Variants in PBX1 observed in about 807,000 individuals in gnomAD.
The protein encoded by PBX1 is PBX homeobox 1, also known as pre-B-cell leukemia transcription factor 1.
Under a neutral mutation model 53.4 loss-of-function variants are expected in PBX1, and 6 were observed. That is an observed-to-expected ratio of 0.11 (90% CI 0.06 to 0.22). The LOEUF is 0.22. Ranked by LOEUF, PBX1 falls within the 10% of genes least tolerant of loss-of-function variation. The pLI is 1.00. For missense variants in PBX1, 251 were observed against 551.4 expected, an observed-to-expected ratio of 0.46 and a Z score of 5.46; for synonymous variants, 204 against 212.3, an observed-to-expected ratio of 0.96 and a Z score of 0.34.
intron 3 of PBX1, among the ~76,000 whole-genome samples, chr1:164,799,304 C>A (rs1668941966): frequency 6.6e-6 from 1 of 152,094 alleles, no homozygotes; most frequent in African/African-American, 2.4e-5. Context: ...TCCTGGCTAA[C>A]ACAGTGAAAC....
At chr1:164,811,897 C>A (rs1669631129) in intron 5 of PBX1, 93 bp from the exon 6 acceptor site, 10 of 994,280 alleles carry the variant, frequency 1.0e-5, no homozygotes, top group Admixed American at 2.6e-5. Flanking sequence ...ATTAGCTTAC[C>A]TCTTCACCTC....
chr1:164,664,900 A>G (rs892037951), intron 2 of PBX1, among the ~76,000 whole-genome samples: 11 of 49,012 alleles, frequency 2.2e-4, no homozygotes, highest in South Asian at 1.2e-3. Context: ...CCTCCCACTG[A>G]GTCCCTCCCA....
At chr1:164,580,836 C>T (rs1654566403) in intron 2 of PBX1, among the ~76,000 whole-genome samples, 1 of 152,238 alleles carries the variant, frequency 6.6e-6, no homozygotes, top group African/African-American at 2.4e-5. Flanking sequence ...TCCTCGACCT[C>T]CCAGAGTGCT....
chr1:164,760,126 T>C (rs1364841127), intron 2 of PBX1, among the ~76,000 whole-genome samples: 3 of 152,200 alleles, frequency 2.0e-5, no homozygotes, highest in Non-Finnish European at 4.4e-5. Flanking sequence ...CACTTTATTA[T>C]GTGCAATGAC....
intron 2 of PBX1, among the ~76,000 whole-genome samples, chr1:164,690,437 T>C (rs1024548108): frequency 3.3e-5 from 5 of 152,222 alleles, no homozygotes; most frequent in African/African-American, 1.2e-4. Flanking sequence ...AACGGCTGCA[T>C]GTGATTAGTC....
chr1:164,840,355 A>AT (rs35848860), intron 8 of PBX1, among the ~76,000 whole-genome samples: 1 of 151,992 alleles, frequency 6.6e-6, no homozygotes, highest in Non-Finnish European at 1.5e-5. Flanking sequence ...ATAAAATTAC[A>AT]GTGTAACAGG....
intron 8 of PBX1, among the ~76,000 whole-genome samples, chr1:164,839,976 A>C (rs1232053410): frequency 2.0e-5 from 3 of 151,964 alleles, no homozygotes; most frequent in Admixed American, 2.0e-4. Context: ...AGCATGAGTT[A>C]ATCCAAGCAG....
chr1:164,641,541 C>T lies in PBX1; in HGVS notation c.265+78230C>T, dbSNP rs1557910079. On this transcript the variant is annotated intron_variant, in intron 2 of 8. Coordinates refer to ENST00000420696, the MANE Select transcript of PBX1 (RefSeq NM_002585.4). ...TCGGGACAGAGGCCTTGGTTGCCAC[C>T]AAAGGCAGCTTATGGTGTAGCTTCA... 3 of 152,338 alleles carry T rather than the reference C, an allele frequency of 2.0e-5. No homozygotes were observed. The East Asian group carries it at 5.8e-4, about 29-fold the overall frequency. 9.4% of individuals were successfully genotyped at this position (152,338 alleles called of 1,614,324 possible). A position where few individuals can be genotyped will look rare whatever the true frequency, so the allele number is the denominator to read the frequency against.
chr1:164,790,692 G>A (rs1668456680), intron 2 of PBX1, among the ~76,000 whole-genome samples: 1 of 152,206 alleles, frequency 6.6e-6, no homozygotes, highest in Non-Finnish European at 1.5e-5. Flanking sequence ...GAGCCATACT[G>A]TAGTTTTCCT....
At chr1:164,799,216 C>T (rs1013689192) in intron 3 of PBX1, among the ~76,000 whole-genome samples, 2 of 152,116 alleles carry the variant, frequency 1.3e-5, no homozygotes, top group African/African-American at 4.8e-5. Context: ...ATCAGCCAGG[C>T]GCAGTGGCTC....
chr1:164,733,582 A>G (rs1361429421), intron 2 of PBX1, among the ~76,000 whole-genome samples: 1 of 152,190 alleles, frequency 6.6e-6, no homozygotes. Context: ...TAAAAGGAAT[A>G]CTGGGTATAC....
At chr1:164,576,083 C>T (rs1042109099) in intron 2 of PBX1, among the ~76,000 whole-genome samples, 1 of 152,164 alleles carries the variant, frequency 6.6e-6, no homozygotes, top group Non-Finnish European at 1.5e-5. Flanking sequence ...AAATTGAAGT[C>T]GTCTGGAAGG....
At chr1:164,820,514 T>A (rs1670099435) in intron 7 of PBX1, among the ~76,000 whole-genome samples, 1 of 152,218 alleles carries the variant, frequency 6.6e-6, no homozygotes, top group African/African-American at 2.4e-5. Context: ...TTCAGGATGT[T>A]ACCTCAATTT....
Position 164,849,665 on chromosome 1 carries a change from C to T in PBX1, c.*2989C>T, listed in dbSNP as rs1339560681. Reference sequence around the variant, plus strand: ...CTTCCTTATCTCCTCCTTTTCATCCCTAATCCATCCTCCCTCTGGCATGGA... The same window carrying T: ...CTTCCTTATCTCCTCCTTTTCATCCTTAATCCATCCTCCCTCTGGCATGGA... On this transcript the variant is annotated 3_prime_UTR_variant, in exon 9 of 9. Coordinates refer to ENST00000420696, the MANE Select transcript of PBX1 (RefSeq NM_002585.4). The T allele has an allele frequency of 1.6e-5, 7 of 432,594 alleles. No individual in the cohort carries two copies. Among genetic ancestry groups the T allele is most frequent in the Non-Finnish European group, 2.9e-5 (7 of 244,374 alleles). 26.8% of individuals were successfully genotyped at this position (432,594 alleles called of 1,614,324 possible). A position where few individuals can be genotyped will look rare whatever the true frequency, so the allele number is the denominator to read the frequency against.
chr1:164,572,364 G>A (rs1653941301), intron 2 of PBX1, among the ~76,000 whole-genome samples: 1 of 152,020 alleles, frequency 6.6e-6, no homozygotes, highest in Non-Finnish European at 1.5e-5. Flanking sequence ...TTATTGTCAT[G>A]TTTGGTCAAT....
intron 2 of PBX1, among the ~76,000 whole-genome samples, chr1:164,758,985 A>G (rs533325549): frequency 6.6e-6 from 1 of 152,284 alleles, no homozygotes; most frequent in African/African-American, 2.4e-5. Context: ...GAATCAAGAG[A>G]CTGGCTACCC....
At position 164,881,342 on chromosome 1, in the gene PBX1, AAGGAAGG is replaced by A. The variant is rs1558057918; in HGVS notation, n.258-17844_258-17838del. ...GAAGGAAGGAGGAAAAGAAGGAAGG[AAGGAAGG>A]AAGGAAGGAAGGAGGAAAAGAAGGA... On this transcript the variant is annotated intron_variant and non_coding_transcript_variant, in intron 2 of 2. Transcript: ENST00000558796. 4.9e-4 allele frequency among the ~76,000 whole-genome samples: 52 copies of A among 106,708 alleles called. 3 individuals are homozygous for A. Among genetic ancestry groups the A allele is most frequent in the Non-Finnish European group, 7.9e-5 (4 of 50,932 alleles). 70.0% of individuals were successfully genotyped at this position (106,708 alleles called of 152,430 possible). A position where few individuals can be genotyped will look rare whatever the true frequency, so the allele number is the denominator to read the frequency against.
intron 2 of PBX1, among the ~76,000 whole-genome samples, chr1:164,729,419 A>G (rs1664868320): frequency 6.6e-6 from 1 of 152,000 alleles, no homozygotes; most frequent in Admixed American, 6.5e-5. Context: ...GTAAGAATTT[A>G]TTTATGCAAA....
At chr1:164,769,744 G>T (rs769680453) in intron 2 of PBX1, 1 of 152,160 alleles carries the variant, frequency 6.6e-6, no homozygotes, top group Non-Finnish European at 1.5e-5. Flanking sequence ...AAGGAACTTG[G>T]TTCCAGTCAC....
Sources: allele counts gnomAD v4.1 joint callset (sites outside exome capture counted in the v4.1 genomes callset), GRCh38; gene constraint gnomAD v4.1.1; transcripts MANE v1.5; gene names NCBI Gene and HGNC (gene_info 2026-07-23, HGNC 2026-07-21).